Variants in UBASH3B observed in about 807,000 individuals in gnomAD.
The protein encoded by UBASH3B is ubiquitin associated and SH3 domain containing B, also known as ubiquitin-associated and SH3 domain-containing protein B.
In UBASH3B, 37 loss-of-function variants were observed where a neutral mutation model predicts 83.4. The ratio of observed to expected loss-of-function variants is 0.44; its 90% CI spans 0.34 to 0.58. UBASH3B has a LOEUF of 0.58. Among genes scored for constraint, UBASH3B ranks in the 20% least tolerant of loss-of-function variants. The pLI is 0.01. For synonymous variants in UBASH3B, 304 were observed against 318.3 expected, an observed-to-expected ratio of 0.96 and a Z score of 0.48; for missense variants, 657 against 827.2, an observed-to-expected ratio of 0.79 and a Z score of 2.52.
intron 13 of UBASH3B, among the ~76,000 whole-genome samples, chr11:122,809,227 AC>A (rs1315212311): frequency 1.3e-5 from 2 of 152,138 alleles, no homozygotes; most frequent in South Asian, 2.1e-4. Flanking sequence ...GGCACATGCC[AC>A]CACGCCCAGC....
At chr11:122,713,773 G>A (rs1864231042) in intron 1 of UBASH3B, among the ~76,000 whole-genome samples, 1 of 151,808 alleles carries the variant, frequency 6.6e-6, no homozygotes, top group South Asian at 2.1e-4. Flanking sequence ...TGAATGTTCA[G>A]GGTTATTCCT....
At chr11:122,764,692 A>G (rs548710141) in intron 1 of UBASH3B, among the ~76,000 whole-genome samples, 19 of 152,368 alleles carry the variant, frequency 1.2e-4, no homozygotes, top group Admixed American at 3.3e-4. Flanking sequence ...TGAAGTCTCA[A>G]CTAACAGACA....
chr11:122,713,851 C>T (rs1335270497), intron 1 of UBASH3B, among the ~76,000 whole-genome samples: 1 of 152,042 alleles, frequency 6.6e-6, no homozygotes, highest in Non-Finnish European at 1.5e-5. Context: ...CCACCAGTAA[C>T]TCAGATATGC....
intron 5 of UBASH3B, among the ~76,000 whole-genome samples, chr11:122,786,799 G>A (rs1056310115): frequency 1.3e-5 from 2 of 152,196 alleles, no homozygotes; most frequent in Admixed American, 6.5e-5. Context: ...GTGAGAAAGG[G>A]CATTGGGGAC....
At chr11:122,729,283 T>C (rs1860798426) in intron 1 of UBASH3B, among the ~76,000 whole-genome samples, 1 of 152,146 alleles carries the variant, frequency 6.6e-6, no homozygotes, top group Admixed American at 6.5e-5. Flanking sequence ...CTTGTCACTT[T>C]TGGTCTTGTG....
intron 1 of UBASH3B, among the ~76,000 whole-genome samples, chr11:122,767,591 G>A (rs868485361): frequency 4.6e-4 from 70 of 152,286 alleles, no homozygotes; most frequent in African/African-American, 1.2e-3. Context: ...GATTACAGGC[G>A]TGAGCCACCA....
rs2135201213 is a variant in UBASH3B, at chr11:122,812,326, A to T, written c.*2440A>T. The T allele has an allele frequency of 6.6e-6, 1 of 152,362 alleles. No homozygotes were observed. The highest frequency in any genetic ancestry group is 2.4e-5 in the African/African-American group (1 of 41,592). The allele number at this position is 152,362 out of a possible 1,614,324, so 9.4% of individuals were successfully genotyped here. ...GTTCCCCTTGCACACTTACCTATTT[A>T]AAAAACTAAACTTGCACTGCAACTG... On this transcript the variant is annotated 3_prime_UTR_variant, in exon 14 of 14. Transcript: ENST00000284273.
chr11:122,803,132 C>T (rs1387928354), intron 11 of UBASH3B, among the ~76,000 whole-genome samples: 3 of 152,108 alleles, frequency 2.0e-5, no homozygotes, highest in African/African-American at 4.8e-5. Context: ...TTTTCCTCTC[C>T]GGCAAATCAG....
intron 10 of UBASH3B, 33 bp downstream of exon 10, chr11:122,799,067 C>T: frequency 6.4e-7 from 1 of 1,560,862 alleles, no homozygotes; most frequent in African/African-American, 1.4e-5. Flanking sequence ...AACAAGTAGT[C>T]CATCCCTCTC....
chr11:122,779,394 A>G, intron 3 of UBASH3B, 103 bp from the exon 4 acceptor site: 1 of 1,290,654 alleles, frequency 7.7e-7, no homozygotes, highest in Non-Finnish European at 1.1e-6. Context: ...TAATTGCATT[A>G]TCAGCCTCCT....
chr11:122,760,210 C>T (rs2135975518), intron 1 of UBASH3B, among the ~76,000 whole-genome samples: 1 of 152,312 alleles, frequency 6.6e-6, no homozygotes, highest in South Asian at 2.1e-4. Context: ...ATACAACCGC[C>T]TGGCTGGTAA....
intron 1 of UBASH3B, among the ~76,000 whole-genome samples, chr11:122,657,558 G>A (rs1168858064): frequency 1.3e-5 from 2 of 151,994 alleles, no homozygotes; most frequent in African/African-American, 2.4e-5. Flanking sequence ...CAAAGTGCTG[G>A]GATTACAGGC....
In UBASH3B at chr11:122,809,231, C is replaced by A. The variant is rs183077752; in HGVS notation, c.1813-518C>A. On this transcript the variant is annotated intron_variant, in intron 13 of 13. Transcript: ENST00000284273. ...CTGGGATTACAGGCACATGCCACCA[C>A]GCCCAGCTAATTTTTTGTATTTTTA... 2.9e-3 allele frequency among the ~76,000 whole-genome samples: 438 copies of A among 152,220 alleles called. 3 individuals carry two copies. The highest frequency in any genetic ancestry group is 0.01 in the African/African-American group (427 of 41,542).
rs532891352 is a variant in UBASH3B, at chr11:122,703,223, T to A, written c.161+47013T>A. Reference sequence around the variant, plus strand: ...TGGGCGGATCACGAGGTCGGGAGATTGAGAGCATCCTGGCTAACACAGTGA... The same window carrying A: ...TGGGCGGATCACGAGGTCGGGAGATAGAGAGCATCCTGGCTAACACAGTGA... On this transcript the variant is annotated intron_variant, in intron 1 of 13. Transcript: ENST00000284273. Among the ~76,000 whole-genome samples the A allele has an allele frequency of 2.6e-5, 4 of 151,934 alleles. No homozygotes were observed. In the South Asian group the frequency reaches 6.2e-4, roughly 24 times the overall value.
Position 122,810,026 on chromosome 11 carries a change from T to C in UBASH3B, c.*140T>C. ...TATTTCCTTTCACACTTAAAGTTCT[T>C]AAGATGAGACTGTGTAAATGAGAGA... On this transcript the variant is annotated 3_prime_UTR_variant, in exon 14 of 14. Transcript: ENST00000284273. The C allele has an allele frequency of 9.6e-7, 1 of 1,036,798 alleles. No individual in the cohort carries two copies. The highest frequency in any genetic ancestry group is 1.4e-6 in the Non-Finnish European group (1 of 725,854). 64.2% of individuals were successfully genotyped at this position (1,036,798 alleles called of 1,614,324 possible).
At chr11:122,688,985 G>C (rs12221548) in intron 1 of UBASH3B, among the ~76,000 whole-genome samples, 4,297 of 150,172 alleles carry the variant, frequency 0.029, 320 homozygotes, top group African/African-American at 0.1. Context: ...AGGCGGGGGG[G>C]GGGGGGGTTC....
Position 122,809,963 on chromosome 11 carries a change from C to T in UBASH3B, c.*77C>T, listed in dbSNP as rs984269236. 402 of 1,528,938 alleles carry T rather than the reference C, an allele frequency of 2.6e-4. No homozygotes were observed. The highest frequency in any genetic ancestry group is 3.3e-4 in the Non-Finnish European group (373 of 1,123,656). The allele number at this position is 1,528,938 out of a possible 1,614,324, so 94.7% of individuals were successfully genotyped here. ...TGTTTAAAAACAGTGGGAAAATCCA[C>T]ACCACACTCTAAGTGGACAGCTCAG... On this transcript the variant is annotated 3_prime_UTR_variant, in exon 14 of 14. Transcript: ENST00000284273.
intron 1 of UBASH3B, among the ~76,000 whole-genome samples, chr11:122,726,478 T>C (rs1221617446): frequency 6.6e-6 from 1 of 151,622 alleles, no homozygotes; most frequent in Non-Finnish European, 1.5e-5. Context: ...GCCTCCCGAG[T>C]AGCTGGGATT....
At chr11:122,796,309 A>G (rs758391563) in intron 8 of UBASH3B, 33 bp downstream of exon 8, 1 of 1,610,762 alleles carries the variant, frequency 6.2e-7, no homozygotes, top group Non-Finnish European at 8.5e-7. Flanking sequence ...CAGCACTGCC[A>G]TACCCATAGT....
Sources: allele counts gnomAD v4.1 joint callset (sites outside exome capture counted in the v4.1 genomes callset), GRCh38; gene constraint gnomAD v4.1.1; transcripts MANE v1.5; gene names NCBI Gene and HGNC (gene_info 2026-07-23, HGNC 2026-07-21).